The following SLCO3A1 variants were observed in gnomAD, a reference collection of about 807,000 sequenced individuals.
SLCO3A1 encodes the protein PGE1 transporter.
A neutral mutation model predicts 63.1 loss-of-function variants in SLCO3A1; 27 were observed. The observed-to-expected ratio is 0.43, with a 90% CI of 0.32 to 0.59. The LOEUF is 0.59. Ranked by LOEUF, SLCO3A1 falls within the 20% of genes least tolerant of loss-of-function variation. The pLI is 0.09. For synonymous variants in SLCO3A1, 473 were observed against 409.9 expected (o/e 1.15, Z -1.86); for missense variants, 773 against 945.8 (o/e 0.82, Z 2.40).
chr15:91,928,771 C>G (rs1014348434), intron 2 of SLCO3A1, among the ~76,000 whole-genome samples: 2 of 152,092 alleles, frequency 1.3e-5, no homozygotes, highest in Non-Finnish European at 2.9e-5. Context: ...AAGCATTGCT[C>G]CCACAAAAAA....
intron 1 of SLCO3A1, among the ~76,000 whole-genome samples, chr15:91,895,618 T>C (rs1224319306): frequency 6.6e-6 from 1 of 152,226 alleles, no homozygotes; most frequent in South Asian, 2.1e-4. Context: ...CAGCCAATAC[T>C]GTTGATTCAT....
chr15:91,916,013 G>A lies in SLCO3A1; in HGVS notation c.201G>A (p.Leu67=). The A allele has an allele frequency of 6.2e-7, 1 of 1,613,006 alleles. No homozygotes were observed. Among genetic ancestry groups the A allele is most frequent in the Non-Finnish European group, 8.5e-7 (1 of 1,179,828 alleles). The change falls in exon 2 of 10, where the codon CTG becomes CTA. Residue 67 remains leucine, a synonymous_variant. Coordinates refer to ENST00000318445, the MANE Select transcript of SLCO3A1 (RefSeq NM_013272.4). This position sits in a 1 kb window ranked among gnomAD's most constrained non-coding sequence, Gnocchi z 6.2. ...GAYLVSVLTT[L]ERRFNLQSAD... ...CTCAGGTGAGCGTCCTGACCACCCTGGAGCGTAGGTTCAACCTGCAGAGCG... is the reference window on the plus strand; with the variant it reads ...CTCAGGTGAGCGTCCTGACCACCCTAGAGCGTAGGTTCAACCTGCAGAGCG...
At chr15:92,083,482 A>C (rs948144903) in intron 2 of SLCO3A1, among the ~76,000 whole-genome samples, 1 of 152,078 alleles carries the variant, frequency 6.6e-6, no homozygotes, top group Non-Finnish European at 1.5e-5. Flanking sequence ...TTCTCCCTTC[A>C]CCACTCTCCC....
At position 91,882,842 on chromosome 15, in the gene SLCO3A1, G is replaced by A. The variant is rs748728884; in HGVS notation, c.180+28754G>A. Among the ~76,000 whole-genome samples the A allele has an allele frequency of 3.9e-5, 6 of 152,078 alleles. No homozygotes were observed. Among genetic ancestry groups the A allele is most frequent in the Middle Eastern group, 3.2e-3 (1 of 316 alleles). Reference sequence around the variant, plus strand: ...CAGCCATGACTTCTTAATCCCACTCGGATTTCACTGAATATGTGCGATAAG... The same window carrying A: ...CAGCCATGACTTCTTAATCCCACTCAGATTTCACTGAATATGTGCGATAAG... On this transcript the variant is annotated intron_variant, in intron 1 of 9. Transcript: ENST00000318445. This position sits in a 1 kb window ranked among gnomAD's most constrained non-coding sequence, Gnocchi z 4.4.
chr15:91,915,379 G>A lies in SLCO3A1; in HGVS notation c.181-614G>A, dbSNP rs534915302. Among the ~76,000 whole-genome samples the A allele has an allele frequency of 3.3e-5, 5 of 152,304 alleles. No individual in the cohort carries two copies. The East Asian group carries it at 9.6e-4, about 29-fold the overall frequency. On this transcript the variant is annotated intron_variant, in intron 1 of 9. Coordinates refer to ENST00000318445, the MANE Select transcript of SLCO3A1 (RefSeq NM_013272.4). ...TGGCAGGGTCATAGTGCTTAGAACA[G>A]TCAGGGGTGTATTTACCTGATGGCC...
intron 3 of SLCO3A1, among the ~76,000 whole-genome samples, chr15:92,103,145 G>A (rs375112347): frequency 8.5e-5 from 13 of 152,096 alleles, no homozygotes; most frequent in African/African-American, 2.9e-4. Flanking sequence ...TGGTGTGTGC[G>A]GTCATTACTC....
At chr15:91,909,391 G>A (rs189721301) in intron 1 of SLCO3A1, among the ~76,000 whole-genome samples, 12 of 152,302 alleles carry the variant, frequency 7.9e-5, no homozygotes, top group African/African-American at 2.9e-4. Context: ...TTGAGTAGCT[G>A]CTATGATGAC....
rs142404042 is a variant in SLCO3A1 at position 91,873,167 on chromosome 15, C to T, written c.180+19079C>T. ...AAATTTTAGTGCAAAATTACATTTA[C>T]CTTATTCAAAAAGTATTCCACAGCG... On this transcript the variant is annotated intron_variant, in intron 1 of 9. Coordinates refer to ENST00000318445, the MANE Select transcript of SLCO3A1 (RefSeq NM_013272.4). Among the ~76,000 whole-genome samples, 845 of 152,330 alleles carry T rather than the reference C, an allele frequency of 5.5e-3. 1 individual carries two copies. The highest frequency in any genetic ancestry group is 9.4e-3 in the Non-Finnish European group (638 of 68,028).
chr15:92,168,408 T>A (rs1449987001), downstream of SLCO3A1, among the ~76,000 whole-genome samples: 1 of 152,216 alleles, frequency 6.6e-6, no homozygotes, highest in African/African-American at 2.4e-5. Flanking sequence ...GCCTGCAGTC[T>A]GTGTTGCAAC....
At chr15:91,858,359 T>C (rs1297302526) in intron 1 of SLCO3A1, among the ~76,000 whole-genome samples, 1 of 151,858 alleles carries the variant, frequency 6.6e-6, no homozygotes, top group Non-Finnish European at 1.5e-5. Context: ...TAGCCCCAGG[T>C]AGTAAGAAAT....
intron 5 of SLCO3A1, among the ~76,000 whole-genome samples, chr15:92,123,173 CCAA>C (rs2047883416): frequency 6.6e-6 from 1 of 152,134 alleles, no homozygotes; most frequent in Non-Finnish European, 1.5e-5. Context: ...ACCTGTAATC[CCAA>C]CACTTTGGGA....
intron 2 of SLCO3A1, among the ~76,000 whole-genome samples, chr15:91,971,608 A>G (rs1450397174): frequency 6.6e-6 from 1 of 152,028 alleles, no homozygotes; most frequent in East Asian, 1.9e-4. Context: ...CAGAGAAAAT[A>G]TGTGTGTTAA....
At chr15:91,988,721 C>G (rs11074030) in intron 2 of SLCO3A1, among the ~76,000 whole-genome samples, 35,575 of 151,910 alleles carry the variant, frequency 0.23, 4,715 homozygotes, top group South Asian at 0.31. Flanking sequence ...TAACAAGTTC[C>G]CAGGTGATGC....
intron 4 of SLCO3A1, among the ~76,000 whole-genome samples, chr15:92,113,916 CCCTGTTTGTGGGCCACAG>C (rs1333896631): frequency 6.6e-6 from 1 of 152,218 alleles, no homozygotes; most frequent in Admixed American, 6.5e-5. Context: ...TCTTGAACCG[CCCTGTTTGTGGGCCACAG>C]CCCGGGAATT....
At chr15:92,103,664 ACTG>A (rs1181820386) in intron 3 of SLCO3A1, among the ~76,000 whole-genome samples, 2 of 152,052 alleles carry the variant, frequency 1.3e-5, no homozygotes, top group African/African-American at 4.8e-5. Flanking sequence ...CCCACTAAGT[ACTG>A]CCATCATCCT....
chr15:91,960,144 C>T (rs530794740), intron 2 of SLCO3A1, among the ~76,000 whole-genome samples: 13 of 152,234 alleles, frequency 8.5e-5, no homozygotes, highest in African/African-American at 2.6e-4. Context: ...CCACCATGCT[C>T]GGCTAACTTT....
intron 2 of SLCO3A1, among the ~76,000 whole-genome samples, chr15:91,918,460 A>T (rs560747053): frequency 2.6e-5 from 4 of 152,002 alleles, no homozygotes; most frequent in Admixed American, 6.6e-5. Flanking sequence ...TGCCATGGAG[A>T]TGATAGTTCT....
intron 2 of SLCO3A1, among the ~76,000 whole-genome samples, chr15:92,054,548 C>T (rs1041110534): frequency 2.0e-5 from 3 of 152,098 alleles, no homozygotes; most frequent in African/African-American, 7.2e-5. Flanking sequence ...CACCTGTCAA[C>T]CCATCCCCTA....
chr15:91,866,436 A>G (rs551025203), intron 1 of SLCO3A1, among the ~76,000 whole-genome samples: 2 of 152,256 alleles, frequency 1.3e-5, no homozygotes, highest in South Asian at 4.2e-4. Context: ...GCGCTGTGCC[A>G]GCCAGTCTCA....
Sources: allele counts gnomAD v4.1 joint callset (sites outside exome capture counted in the v4.1 genomes callset), GRCh38; gene constraint gnomAD v4.1.1; non-coding constraint Gnocchi (gnomAD v3.1); transcripts MANE v1.5; gene names NCBI Gene and HGNC (gene_info 2026-07-23, HGNC 2026-07-21).